The following CAPN14 variants were observed in gnomAD, a reference collection of about 807,000 sequenced individuals.
The protein encoded by CAPN14 is calpain-14.
Under a neutral mutation model 101.3 loss-of-function variants are expected in CAPN14, and 94 were observed. The ratio of observed to expected loss-of-function variants is 0.93; its 90% CI spans 0.79 to 1.10. CAPN14 has a LOEUF of 1.10. CAPN14 is among the 50% of genes least tolerant of loss of function. The probability of loss-of-function intolerance (pLI) is 0.00; values close to 1 mark genes in which losing one functional copy is unlikely to be tolerated. For synonymous variants in CAPN14, 338 were observed against 317.9 expected (o/e 1.06, Z -0.67); for missense variants, 837 against 828.4 (o/e 1.01, Z -0.13).
At chr2:31,193,870 G>A (rs1036980598) in intron 9 of CAPN14, among the ~76,000 whole-genome samples, 6 of 152,156 alleles carry the variant, frequency 3.9e-5, no homozygotes, top group South Asian at 2.1e-4. Flanking sequence ...TCCTTGGAAC[G>A]AGGGTTGACA....
At chr2:31,182,111 T>C (rs1176004544) in intron 16 of CAPN14, among the ~76,000 whole-genome samples, 4 of 152,118 alleles carry the variant, frequency 2.6e-5, no homozygotes, top group African/African-American at 9.7e-5. Flanking sequence ...GACTTCCACA[T>C]TGGCCTTTGA....
chr2:31,203,196 T>C, intron 2 of CAPN14, 57 bp from the exon 3 acceptor site: 2 of 1,421,612 alleles, frequency 1.4e-6, no homozygotes, highest in Non-Finnish European at 1.9e-6. Flanking sequence ...CTCCTGGAGC[T>C]ACAGTGACCA....
chr2:31,176,626 T>G lies in CAPN14; in HGVS notation c.1989A>C (p.Leu663Phe). The G allele has an allele frequency of 1.3e-6, 2 of 1,551,696 alleles. No individual in the cohort carries two copies. Among genetic ancestry groups the G allele is most frequent in the Non-Finnish European group, 1.7e-6 (2 of 1,146,950 alleles). The change falls in exon 21 of 22, where the codon TTA (leucine) becomes TTC (phenylalanine). Residue 663 changes from leucine (L) to phenylalanine (F), a missense_variant. Leu to Phe is a conservative substitution (Grantham distance 22). Coordinates refer to ENST00000403897, the MANE Select transcript of CAPN14 (RefSeq NM_001145122.2). ...VENMEDVFQN[L>F]TQDGKGIYLQ... ...GGTATATCCCTTTGCCATCTTGGGT[T>G]AAGTTTTGGAAGACATCTGTGAAAA...
At chr2:31,220,354 A>T (rs1351267335), upstream of CAPN14, among the ~76,000 whole-genome samples, 2 of 152,216 alleles carry the variant, frequency 1.3e-5, no homozygotes, top group Non-Finnish European at 2.9e-5. Context: ...AACTGTAAAT[A>T]AGAAAAACTA....
intron 12 of CAPN14, 140 bp downstream of exon 12, chr2:31,191,259 G>T: frequency 4.9e-6 from 4 of 820,194 alleles, no homozygotes; most frequent in Non-Finnish European, 7.7e-6. Context: ...ACAGGCAGCG[G>T]GCAGACATTC....
At chr2:31,227,051 G>T (rs1234793362) in intron 1 of CAPN14, among the ~76,000 whole-genome samples, 1 of 152,164 alleles carries the variant, frequency 6.6e-6, no homozygotes, top group Non-Finnish European at 1.5e-5. Context: ...GGAAACACCT[G>T]TGCTACAAAA....
At chr2:31,183,644 C>A (rs1314993078) in intron 16 of CAPN14, among the ~76,000 whole-genome samples, 1 of 152,168 alleles carries the variant, frequency 6.6e-6, no homozygotes, top group Non-Finnish European at 1.5e-5. Flanking sequence ...GAGATATGAT[C>A]TCACACCAGT....
chr2:31,219,950 C>A (rs1328321012), upstream of CAPN14, among the ~76,000 whole-genome samples: 1 of 152,150 alleles, frequency 6.6e-6, no homozygotes, highest in African/African-American at 2.4e-5. Context: ...TCCAAGTGCC[C>A]TAAATAATCT....
At chr2:31,217,676 A>C (rs1682710263), upstream of CAPN14, 1 of 152,310 alleles carries the variant, frequency 6.6e-6, no homozygotes, top group African/African-American at 2.4e-5. Context: ...GATTACACAA[A>C]TCCAATTATT....
chr2:31,191,186 G>A (rs949386170), intron 12 of CAPN14, among the ~76,000 whole-genome samples: 1 of 152,074 alleles, frequency 6.6e-6, no homozygotes, highest in Non-Finnish European at 1.5e-5. Flanking sequence ...ATAGATGCAT[G>A]AGGATCTCTT....
At chr2:31,233,312 G>T (rs1194906408) in intron 1 of CAPN14, among the ~76,000 whole-genome samples, 1 of 152,090 alleles carries the variant, frequency 6.6e-6, no homozygotes, top group East Asian at 1.9e-4. Context: ...CTCTGCCTTG[G>T]ACACACCAAG....
At chr2:31,178,688 A>T in intron 17 of CAPN14, 109 bp from the exon 18 acceptor site, 1 of 689,190 alleles carries the variant, frequency 1.5e-6, no homozygotes, top group South Asian at 2.0e-5. Flanking sequence ...GGCCTCATTC[A>T]ATGTCTGATC....
In CAPN14 at chr2:31,205,432, G is replaced by A. The variant is rs1196163324; in HGVS notation, c.16C>T (p.Pro6Ser). The A allele has an allele frequency of 6.4e-7, 1 of 1,551,578 alleles. No individual in the cohort carries two copies. The highest frequency in any genetic ancestry group is 2.0e-5 in the Admixed American group (1 of 51,000). MSLWPPFRCRWKLAPR... is the reference protein window; with the variant it reads MSLWPSFRCRWKLAPR... Reference sequence around the variant, plus strand: ...GCCAGCTTCCATCTGCATCGGAAAGGTGGCCACAGAGACATGGCAGGTGGT... The same window carrying A: ...GCCAGCTTCCATCTGCATCGGAAAGATGGCCACAGAGACATGGCAGGTGGT... The change falls in exon 2 of 22, where the codon CCT becomes TCT. Residue 6 changes from proline to serine, a missense_variant. Coordinates refer to ENST00000403897, the MANE Select transcript of CAPN14 (RefSeq NM_001145122.2).
intron 13 of CAPN14, 87 bp downstream of exon 13, chr2:31,189,186 C>G: frequency 8.3e-7 from 1 of 1,199,106 alleles, no homozygotes; most frequent in East Asian, 2.6e-5. Context: ...AGCAGAGATC[C>G]TGGTTTCTGC....
chr2:31,182,938 C>T (rs1680722084), intron 16 of CAPN14, among the ~76,000 whole-genome samples: 1 of 151,888 alleles, frequency 6.6e-6, no homozygotes, highest in African/African-American at 2.4e-5. Context: ...TCAAACTATA[C>T]TACAAGGCTA....
chr2:31,196,151 G>A (rs1681462186), intron 8 of CAPN14, among the ~76,000 whole-genome samples: 1 of 152,094 alleles, frequency 6.6e-6, no homozygotes, highest in South Asian at 2.1e-4. Context: ...ATACTGGATG[G>A]GATTAACAGC....
intron 1 of CAPN14, among the ~76,000 whole-genome samples, chr2:31,205,809 G>T (rs1682044322): frequency 6.6e-6 from 1 of 151,920 alleles, no homozygotes; most frequent in African/African-American, 2.4e-5. Context: ...TCTGCTTAGT[G>T]GGGAGGCAGG....
chr2:31,206,674 T>C (rs1047464555), intron 1 of CAPN14, among the ~76,000 whole-genome samples: 32 of 152,192 alleles, frequency 2.1e-4, no homozygotes, highest in African/African-American at 7.0e-4. Context: ...TACGTGCCCA[T>C]TCTCCCCTTT....
intron 7 of CAPN14, among the ~76,000 whole-genome samples, chr2:31,198,514 T>G (rs756751738): frequency 1.3e-5 from 2 of 152,188 alleles, no homozygotes; most frequent in African/African-American, 4.8e-5. Flanking sequence ...GAGGATGAAA[T>G]GAGTCCACGT....
Sources: gnomAD v4.1 joint callset for allele counts (sites outside exome capture counted in the v4.1 genomes callset) on GRCh38, gnomAD v4.1.1 for gene constraint, MANE v1.5 for transcripts, NCBI Gene and HGNC (gene_info 2026-07-23, HGNC 2026-07-21) for gene names.